PTTG1IP: variants seen among roughly 807,000 people sequenced by gnomAD.
PTTG1IP encodes PTTG1 interacting protein.
In PTTG1IP, 16 loss-of-function variants were observed where a neutral mutation model predicts 24.4. That is an observed-to-expected ratio of 0.66 (90% confidence interval 0.44 to 1.00). PTTG1IP has a LOEUF of 1.00. Among genes scored for constraint, PTTG1IP ranks in the 50% least tolerant of loss-of-function variants. The pLI, the probability that PTTG1IP is intolerant of heterozygous loss-of-function variation, is 0.00. For synonymous variants in PTTG1IP, 89 were observed against 96.8 expected (o/e 0.92, Z 0.47); for missense variants, 241 against 245.8 (o/e 0.98, Z 0.13).
Position 44,851,588 on chromosome 21 carries a change from T to C in PTTG1IP, c.536A>G (p.Asn179Ser). ...KEENPYARFE[N>S]N is the part of the protein sequence containing the mutation. ...CTGATGTGCTGGAGCGCTTTAGTTG[T>C]TTTCAAATCTAGCATACGGGTTTTC... The change falls in exon 6 of 6, where the codon AAC (asparagine) becomes AGC (serine). Residue 179 changes from asparagine to serine, a missense_variant. Asn to Ser is a conservative substitution (Grantham distance 46, BLOSUM62 1). Coordinates refer to ENST00000330938, the MANE Select transcript of PTTG1IP (RefSeq NM_004339.4). 6.3e-7 allele frequency: 1 copy of C among 1,594,272 alleles called. No homozygotes were observed. Among genetic ancestry groups the C allele is most frequent in the Non-Finnish European group, 8.6e-7 (1 of 1,163,764 alleles).
At chr21:44,865,234 T>G (rs1277953106) in intron 2 of PTTG1IP, among the ~76,000 whole-genome samples, 161 bp downstream of exon 2, 2 of 152,152 alleles carry the variant, frequency 1.3e-5, no homozygotes, top group Non-Finnish European at 2.9e-5. Flanking sequence ...ATACCTGAAA[T>G]GGCTAAAATA....
At chr21:44,854,159 C>A (rs544647226) in intron 5 of PTTG1IP, among the ~76,000 whole-genome samples, 3 of 152,218 alleles carry the variant, frequency 2.0e-5, no homozygotes, top group African/African-American at 4.8e-5. Flanking sequence ...GTCCACCCCC[C>A]ACCCGATGAC....
At chr21:44,872,046 C>A (rs1166467175) in intron 1 of PTTG1IP, among the ~76,000 whole-genome samples, 1 of 152,194 alleles carries the variant, frequency 6.6e-6, no homozygotes, top group Non-Finnish European at 1.5e-5. Context: ...TCAAACAAAA[C>A]CTCATGGTTG....
chr21:44,855,654 C>T (rs2838709), intron 4 of PTTG1IP, among the ~76,000 whole-genome samples: 4,950 of 152,284 alleles, frequency 0.033, 263 homozygotes, highest in African/African-American at 0.11. Context: ...AAGGTGACTA[C>T]ATGGAAAATC....
intron 1 of PTTG1IP, among the ~76,000 whole-genome samples, chr21:44,868,516 G>A (rs921798203): frequency 6.6e-6 from 1 of 152,184 alleles, no homozygotes; most frequent in Non-Finnish European, 1.5e-5. Flanking sequence ...GCCACAGACA[G>A]TGTGCAGTGC....
intron 5 of PTTG1IP, among the ~76,000 whole-genome samples, chr21:44,851,924 G>T (rs576893405): frequency 1.3e-5 from 2 of 152,312 alleles, no homozygotes; most frequent in Admixed American, 6.5e-5. Context: ...TTCCACAGTG[G>T]TTGGCTAGTT....
At chr21:44,870,784 A>G (rs1426983325) in intron 1 of PTTG1IP, among the ~76,000 whole-genome samples, 1 of 152,240 alleles carries the variant, frequency 6.6e-6, no homozygotes, top group Non-Finnish European at 1.5e-5. Flanking sequence ...AAGACCTTTC[A>G]GTCTCATTTG....
At chr21:44,852,037 C>T (rs1172711026) in intron 5 of PTTG1IP, among the ~76,000 whole-genome samples, 1 of 152,166 alleles carries the variant, frequency 6.6e-6, no homozygotes, top group Non-Finnish European at 1.5e-5. Context: ...AGATGACCAT[C>T]AATCTAACTC....
chr21:44,851,197 G>T lies in PTTG1IP; in HGVS notation c.*384C>A. On this transcript the variant is annotated 3_prime_UTR_variant, in exon 6 of 6. Transcript: ENST00000330938. Reference sequence around the variant, plus strand: ...AGTCAAACCGACTTCCCTGTGTTGCGTGTGAAGCTTGTTAGTGGACAGAGA... The same window carrying T: ...AGTCAAACCGACTTCCCTGTGTTGCTTGTGAAGCTTGTTAGTGGACAGAGA... 1 of 821,974 alleles carries T rather than the reference G, an allele frequency of 1.2e-6. No homozygotes were observed. The highest frequency in any genetic ancestry group is 1.8e-6 in the Non-Finnish European group (1 of 547,320). The allele number at this position is 821,974 out of a possible 1,614,324, so 50.9% of individuals were successfully genotyped here.
intron 1 of PTTG1IP, among the ~76,000 whole-genome samples, chr21:44,868,986 C>G (rs974212425): frequency 2.6e-5 from 4 of 152,222 alleles, no homozygotes; most frequent in African/African-American, 9.7e-5. Context: ...GATGATGGGA[C>G]AAAGTGACAG....
intron 1 of PTTG1IP, among the ~76,000 whole-genome samples, chr21:44,871,571 A>C (rs943523019): frequency 2.6e-5 from 4 of 152,216 alleles, no homozygotes; most frequent in African/African-American, 9.6e-5. Flanking sequence ...GGATTGGTAT[A>C]ATGTATTCTC....
intron 3 of PTTG1IP, among the ~76,000 whole-genome samples, chr21:44,859,283 G>A (rs2083472492): frequency 6.6e-6 from 1 of 152,360 alleles, no homozygotes; most frequent in East Asian, 1.9e-4. Flanking sequence ...TCCCATGGGG[G>A]TCCTGACAGG....
At chr21:44,869,459 C>T (rs980834657) in intron 1 of PTTG1IP, among the ~76,000 whole-genome samples, 3 of 152,156 alleles carry the variant, frequency 2.0e-5, no homozygotes, top group Non-Finnish European at 2.9e-5. Flanking sequence ...TGTCAATTTA[C>T]AATACATTTT....
At position 44,859,470 on chromosome 21, in the gene PTTG1IP, G is replaced by A. The variant is rs556711450; in HGVS notation, c.277+1693C>T. Among the ~76,000 whole-genome samples the A allele has an allele frequency of 2.2e-4, 34 of 151,646 alleles. 2 individuals carry two copies. In the East Asian group the frequency reaches 3.3e-3, roughly 15 times the overall value. ...GTGCATTATGTAGGCTATAAACTGC[G>A]GTCCATGCAGGCACACATGTGTGCA... is the stretch of plus-strand genomic sequence containing the variant. On this transcript the variant is annotated intron_variant, in intron 3 of 5. Coordinates refer to ENST00000330938, the MANE Select transcript of PTTG1IP (RefSeq NM_004339.4).
Position 44,851,627 on chromosome 21 carries a change from C to A in PTTG1IP, c.497G>T (p.Gly166Val), listed in dbSNP as rs1199997389. The A allele has an allele frequency of 6.4e-7, 1 of 1,569,482 alleles. No individual in the cohort carries two copies. Among genetic ancestry groups the A allele is most frequent in the Non-Finnish European group, 8.7e-7 (1 of 1,150,766 alleles). ...ATACGGGTTTTCTTCTTTAAACAGGCCTGAAACAAAATAAACTTGAATCAT... is the reference window on the plus strand; with the variant it reads ...ATACGGGTTTTCTTCTTTAAACAGGACTGAAACAAAATAAACTTGAATCAT... ...TRHDEIRKKY[G>V]LFKEENPYAR... Residue 166 changes from glycine (G) to valine (V), a missense_variant and splice_region_variant, in exon 6 of 6, where the codon GGC becomes GTC. Gly to Val is a moderately radical substitution (Grantham distance 109). Coordinates refer to ENST00000330938, the MANE Select transcript of PTTG1IP (RefSeq NM_004339.4).
rs533477976 is a variant in PTTG1IP, at chr21:44,858,209, G to C, written c.278-1845C>G. 1.2e-4 allele frequency among the ~76,000 whole-genome samples: 19 copies of C among 152,336 alleles called. No homozygotes were observed. In the South Asian group the frequency reaches 3.9e-3, roughly 32 times the overall value. ...AGACATTTCATTTTCCTTCAAGTAA[G>C]CATGTTTATCAGGCCATTACAATTA... On this transcript the variant is annotated intron_variant, in intron 3 of 5. Coordinates refer to ENST00000330938, the MANE Select transcript of PTTG1IP (RefSeq NM_004339.4).
intron 3 of PTTG1IP, 87 bp from the exon 4 acceptor site, chr21:44,856,451 C>A: frequency 7.1e-7 from 1 of 1,405,950 alleles, no homozygotes; most frequent in East Asian, 2.4e-5. Flanking sequence ...TGGGGAACAA[C>A]CTCAGGACAC....
At position 44,855,259 on chromosome 21, in the gene PTTG1IP, A is replaced by C. The variant is rs1438052631; in HGVS notation, c.450-3T>G. The C allele has an allele frequency of 1.9e-6, 3 of 1,610,516 alleles. No homozygotes were observed. The highest frequency in any genetic ancestry group is 2.5e-6 in the Non-Finnish European group (3 of 1,176,890). ...GTCTTGTCTTCATCTCTGCTCTCCT[A>C]AAACACAGAGGAACATTATGAGCAC... On this transcript the variant is annotated splice_region_variant and splice_polypyrimidine_tract_variant and intron_variant, in intron 4 of 5. Coordinates refer to ENST00000330938, the MANE Select transcript of PTTG1IP (RefSeq NM_004339.4).
intron 3 of PTTG1IP, among the ~76,000 whole-genome samples, chr21:44,859,249 G>A (rs907704335): frequency 7.9e-5 from 12 of 152,204 alleles, no homozygotes; most frequent in Non-Finnish European, 1.6e-4. Context: ...TTAATCTGTG[G>A]TGACGGGAAG....
Sources: allele counts gnomAD v4.1 joint callset (sites outside exome capture counted in the v4.1 genomes callset), GRCh38; gene constraint gnomAD v4.1.1; transcripts MANE v1.5; gene names NCBI Gene and HGNC (gene_info 2026-07-23, HGNC 2026-07-21).